Variants in HPSE2 observed in about 807,000 individuals in gnomAD.
The protein encoded by HPSE2 is heparanase 2 (inactive).
In HPSE2, 38 loss-of-function variants were observed where a neutral mutation model predicts 60.5. That is an observed-to-expected ratio of 0.63 (90% CI 0.48 to 0.82). HPSE2 has a LOEUF of 0.82. Ranked by LOEUF, HPSE2 falls within the 40% of genes least tolerant of loss-of-function variation. HPSE2 has a pLI of 0.00. For missense variants in HPSE2, 713 were observed against 740.4 expected (o/e 0.96, Z 0.43); for synonymous variants, 295 against 293.2 (o/e 1.01, Z -0.06).
chr10:99,258,028 C>T, the HPSE2 span, among the ~76,000 whole-genome samples: 1 of 151,926 alleles, frequency 6.6e-6, no homozygotes, highest in Non-Finnish European at 1.5e-5. Flanking sequence ...GTAGTCCCAG[C>T]TACTTGGGAG....
In HPSE2 at chr10:99,014,435, T is replaced by A. The variant is rs140469346; in HGVS notation, c.610+129803A>T. Among the ~76,000 whole-genome samples, 406 of 152,340 alleles carry A rather than the reference T, an allele frequency of 2.7e-3. 6 individuals carry two copies. The highest frequency in any genetic ancestry group is 0.023 in the Admixed American group (351 of 15,308). ...GAACATGTGCATGCATGTGTCTTCA[T>A]AATAGAATGCTTTGTATTCCTTTGG... is the stretch of plus-strand genomic sequence containing the variant. On this transcript the variant is annotated intron_variant, in intron 3 of 11. Transcript: ENST00000370552.
intron 10 of HPSE2, among the ~76,000 whole-genome samples, chr10:98,483,114 G>A (rs992736674): frequency 6.6e-6 from 1 of 152,096 alleles, no homozygotes; most frequent in Non-Finnish European, 1.5e-5. Flanking sequence ...GAAACAAAAA[G>A]AAGAAAAAGA....
chr10:98,628,044 C>G (rs780076337), intron 7 of HPSE2, among the ~76,000 whole-genome samples: 3 of 152,158 alleles, frequency 2.0e-5, no homozygotes, highest in Admixed American at 1.3e-4. Context: ...AACTTTGATA[C>G]AAAAACTAAA....
At chr10:98,533,740 C>T (rs1007300886) in intron 9 of HPSE2, among the ~76,000 whole-genome samples, 2 of 152,112 alleles carry the variant, frequency 1.3e-5, no homozygotes, top group Non-Finnish European at 2.9e-5. Context: ...GGAAGCTGTC[C>T]GGCAGACTTT....
intron 3 of HPSE2, among the ~76,000 whole-genome samples, chr10:99,112,024 C>T (rs1288601023): frequency 6.6e-6 from 1 of 152,190 alleles, no homozygotes; most frequent in Non-Finnish European, 1.5e-5. Context: ...CACATGCCAG[C>T]ACATTCTAGG....
chr10:99,212,127 C>T (rs1193781462), intron 2 of HPSE2, among the ~76,000 whole-genome samples: 2 of 151,990 alleles, frequency 1.3e-5, no homozygotes, highest in African/African-American at 2.4e-5. Context: ...TCCATAGTGA[C>T]ATCATCTCAC....
At chr10:98,580,836 A>ATATATATATATATATATATGTGTGTGTG in intron 9 of HPSE2, among the ~76,000 whole-genome samples, 32 of 119,554 alleles carry the variant, frequency 2.7e-4, no homozygotes, top group African/African-American at 9.7e-4. Flanking sequence ...ATATATATAT[A>ATATATATATATATATATATGTGTGTGTG]TGTGTGTGTG....
chr10:98,923,282 C>T (rs961548430), intron 3 of HPSE2, among the ~76,000 whole-genome samples: 4 of 152,188 alleles, frequency 2.6e-5, no homozygotes, highest in Admixed American at 2.6e-4. Flanking sequence ...TGGAGCTCCA[C>T]TGTGTGTTGT....
At chr10:98,729,059 C>T (rs759092622) in intron 4 of HPSE2, among the ~76,000 whole-genome samples, 43 of 151,810 alleles carry the variant, frequency 2.8e-4, no homozygotes, top group African/African-American at 1.0e-3. Context: ...GAAAACAGTA[C>T]CTTAGACAAT....
At chr10:98,482,837 T>A in intron 10 of HPSE2, 55 bp from the exon 11 acceptor site, 1 of 1,576,484 alleles carries the variant, frequency 6.3e-7, no homozygotes, top group Non-Finnish European at 8.7e-7. Flanking sequence ...GTCAGTTAGA[T>A]GCTTCTAAAT....
chr10:98,912,697 A>G (rs1249616531), intron 3 of HPSE2, among the ~76,000 whole-genome samples: 1 of 152,204 alleles, frequency 6.6e-6, no homozygotes, highest in Non-Finnish European at 1.5e-5. Context: ...CAAACATCAC[A>G]TGTCCTCACT....
intron 3 of HPSE2, among the ~76,000 whole-genome samples, chr10:98,793,155 G>C (rs766354480): frequency 1.3e-5 from 2 of 152,178 alleles, no homozygotes. Flanking sequence ...TATTTCAGAT[G>C]TTCTCCCTTA....
chr10:99,150,776 G>A lies in HPSE2; in HGVS notation c.449-6377C>T, dbSNP rs528413411. On this transcript the variant is annotated intron_variant, in intron 2 of 11. Transcript: ENST00000370552. ...TTCTTCACACATAACTGGCTAATGG[G>A]GAGGCTACGCACAAACATGGGAGAG... 3.3e-5 allele frequency among the ~76,000 whole-genome samples: 5 copies of A among 152,226 alleles called. No homozygotes were observed. The South Asian group carries it at 8.3e-4, about 25-fold the overall frequency.
At chr10:98,488,950 TATC>T (rs1227924152) in intron 10 of HPSE2, among the ~76,000 whole-genome samples, 1 of 152,118 alleles carries the variant, frequency 6.6e-6, no homozygotes, top group Non-Finnish European at 1.5e-5. Context: ...TGAAAAGTCT[TATC>T]ATGATAAATT....
At chr10:99,122,722 T>C (rs531549888) in intron 3 of HPSE2, among the ~76,000 whole-genome samples, 169 of 152,172 alleles carry the variant, frequency 1.1e-3, no homozygotes, top group African/African-American at 3.9e-3. Context: ...AAAATATCAA[T>C]CCTTCCCAAA....
chr10:99,140,074 G>A (rs1467476477), intron 3 of HPSE2, among the ~76,000 whole-genome samples: 1 of 151,994 alleles, frequency 6.6e-6, no homozygotes, highest in African/African-American at 2.4e-5. Flanking sequence ...ATTTTACTTT[G>A]ATAAAGTAGC....
At chr10:98,618,112 G>C (rs1280137459) in intron 8 of HPSE2, among the ~76,000 whole-genome samples, 5 of 152,254 alleles carry the variant, frequency 3.3e-5, no homozygotes, top group African/African-American at 1.2e-4. Context: ...ACATTGCTGG[G>C]TGCTGTCAGT....
chr10:99,189,979 CCT>C (rs1848163429), intron 2 of HPSE2, among the ~76,000 whole-genome samples: 2 of 152,160 alleles, frequency 1.3e-5, no homozygotes, highest in Non-Finnish European at 2.9e-5. Context: ...TGCGAACTAG[CCT>C]AGGTGGATAC....
At chr10:98,696,959 AACAAAAAAATGTCCC>A (rs1554970637) in intron 5 of HPSE2, among the ~76,000 whole-genome samples, 3 of 152,208 alleles carry the variant, frequency 2.0e-5, no homozygotes, top group Non-Finnish European at 4.4e-5. Flanking sequence ...CAACAGCATC[AACAAAAAAATGTCCC>A]ACAAAAACCC....
Sources: allele counts gnomAD v4.1 joint callset (sites outside exome capture counted in the v4.1 genomes callset), GRCh38; gene constraint gnomAD v4.1.1; transcripts MANE v1.5; gene names NCBI Gene and HGNC (gene_info 2026-07-23, HGNC 2026-07-21).